The following IL23R variants were observed in gnomAD, a reference collection of about 807,000 sequenced individuals.
IL23R encodes the protein interleukin 23 receptor, also known as interleukin-23 receptor.
Under a neutral mutation model 56.9 loss-of-function variants are expected in IL23R, and 34 were observed. The ratio of observed to expected loss-of-function variants is 0.60; its 90% confidence interval spans 0.45 to 0.80. The LOEUF is 0.80. IL23R is among the 30% of genes least tolerant of loss of function. The pLI is 0.00. For missense variants in IL23R, 635 were observed against 730.0 expected, an observed-to-expected ratio of 0.87 and a Z score of 1.50; for synonymous variants, 230 against 249.2, an observed-to-expected ratio of 0.92 and a Z score of 0.73.
At position 67,240,188 on chromosome 1, in the gene IL23R, G is replaced by A; in HGVS notation, c.1055G>A (p.Gly352Glu). The A allele has an allele frequency of 6.2e-7, 1 of 1,602,676 alleles. No homozygotes were observed. Among genetic ancestry groups the A allele is most frequent in the Non-Finnish European group, 8.5e-7 (1 of 1,169,806 alleles). Residue 352 changes from glycine to glutamate, a missense_variant, in exon 9 of 11, where the codon GGA becomes GAA. Coordinates refer to ENST00000347310, the MANE Select transcript of IL23R (RefSeq NM_144701.3). ...STGHLTSDNR[G>E]DIGLLLGMIV... ...TCTTTCCTTTCATTAGACAACAGAG[G>A]AGACATTGGACTTTTATTGGGAATG...
intron 7 of IL23R, among the ~76,000 whole-genome samples, chr1:67,234,377 G>A (rs1651316911): frequency 6.6e-6 from 1 of 152,032 alleles, no homozygotes; most frequent in African/African-American, 2.4e-5. Flanking sequence ...TGTTTGATTT[G>A]GAACTATGAT....
At chr1:67,222,334 CT>C (rs1558251349) in intron 7 of IL23R, among the ~76,000 whole-genome samples, 2 of 151,928 alleles carry the variant, frequency 1.3e-5, no homozygotes, top group Non-Finnish European at 2.9e-5. Context: ...GCAGGCTGGT[CT>C]CGAACTCACG....
intron 7 of IL23R, among the ~76,000 whole-genome samples, chr1:67,227,966 C>CTT (rs1300261029): frequency 1.5e-5 from 1 of 68,470 alleles, no homozygotes; most frequent in African/African-American, 6.3e-5. Context: ...TTCTTTCTTT[C>CTT]TTTCTTTCTT....
At chr1:67,227,191 G>C (rs1054307823) in intron 7 of IL23R, among the ~76,000 whole-genome samples, 3 of 152,232 alleles carry the variant, frequency 2.0e-5, no homozygotes, top group African/African-American at 4.8e-5. Flanking sequence ...TAAGTCAGTA[G>C]TCTAAATTTG....
At chr1:67,241,472 T>C (rs72676092) in intron 9 of IL23R, among the ~76,000 whole-genome samples, 12,778 of 152,138 alleles carry the variant, frequency 0.084, 645 homozygotes, top group Non-Finnish European at 0.11. Flanking sequence ...AACAATGGCC[T>C]CCCATAATTT....
At chr1:67,242,332 T>A (rs1250628499) in intron 9 of IL23R, among the ~76,000 whole-genome samples, 4 of 152,216 alleles carry the variant, frequency 2.6e-5, no homozygotes, top group Non-Finnish European at 2.9e-5. Context: ...TATCCATGTA[T>A]AAGGCTGGCT....
chr1:67,169,338 C>A lies in IL23R; in HGVS notation c.71-4C>A. The A allele has an allele frequency of 6.3e-7, 1 of 1,596,790 alleles. No homozygotes were observed. Among genetic ancestry groups the A allele is most frequent in the Non-Finnish European group, 8.6e-7 (1 of 1,167,822 alleles). On this transcript the variant is annotated splice_polypyrimidine_tract_variant and splice_region_variant and intron_variant, in intron 2 of 10. Transcript: ENST00000347310. ...TAATTTATTATTTTTCCATTTATTT[C>A]TAGGAATTACAAATATAAACTGCTC... is the stretch of plus-strand genomic sequence containing the variant.
chr1:67,191,805 G>A (rs1450668573), intron 4 of IL23R, among the ~76,000 whole-genome samples: 1 of 152,070 alleles, frequency 6.6e-6, no homozygotes, highest in Non-Finnish European at 1.5e-5. Flanking sequence ...TTTACTATCC[G>A]AGCATTTAAT....
intron 1 of IL23R, among the ~76,000 whole-genome samples, chr1:67,159,419 A>G (rs74829191): frequency 0.019 from 2,918 of 152,180 alleles, 87 homozygotes; most frequent in African/African-American, 0.066. Context: ...GAGGCCTCCT[A>G]GTCATGCTTC....
intron 6 of IL23R, 124 bp downstream of exon 6, chr1:67,207,179 T>G (rs776444589): frequency 9.3e-7 from 1 of 1,073,218 alleles, no homozygotes; most frequent in Non-Finnish European, 1.4e-6. Flanking sequence ...TGCATGATAT[T>G]CAAGCCACTT....
At position 67,204,074 on chromosome 1, in the gene IL23R, C is replaced by A. The variant is rs569030935; in HGVS notation, c.653-2836C>A. Among the ~76,000 whole-genome samples, 13 of 150,722 alleles carry A rather than the reference C, an allele frequency of 8.6e-5. No individual in the cohort carries two copies. In the East Asian group the frequency reaches 2.5e-3, roughly 29 times the overall value. ...ATAATAAAATTGATACTTTTTTTTT[C>A]TTTTTTTGAGACGGAGTCTCGCTCT... On this transcript the variant is annotated intron_variant, in intron 5 of 10. Coordinates refer to ENST00000347310, the MANE Select transcript of IL23R (RefSeq NM_144701.3).
chr1:67,140,220 A>C (rs1369929745), intron 1 of IL23R, among the ~76,000 whole-genome samples: 3 of 152,256 alleles, frequency 2.0e-5, no homozygotes, highest in African/African-American at 7.2e-5. Context: ...CTATGCATGC[A>C]AAAGCAAAAT....
chr1:67,263,832 C>T (rs969236035), downstream of IL23R, among the ~76,000 whole-genome samples: 10 of 151,118 alleles, frequency 6.6e-5, no homozygotes, highest in Non-Finnish European at 1.0e-4. Flanking sequence ...CCACTGCACT[C>T]CAGCCTAGGC....
At position 67,209,525 on chromosome 1, in the gene IL23R, T is replaced by C. The variant is rs979845987; in HGVS notation, c.798+2470T>C. 7.9e-5 allele frequency among the ~76,000 whole-genome samples: 12 copies of C among 152,160 alleles called. 1 individual carries two copies. The highest frequency in any genetic ancestry group is 6.5e-4 in the Admixed American group (10 of 15,274). ...GATGCATTTATCAGGGGTTTCCGCT[T>C]TTGCTTTTTCCTCATTTTCTCTTGC... On this transcript the variant is annotated intron_variant, in intron 6 of 10. Coordinates refer to ENST00000347310, the MANE Select transcript of IL23R (RefSeq NM_144701.3).
chr1:67,156,622 C>T (rs149072906), intron 1 of IL23R, among the ~76,000 whole-genome samples: 2 of 152,276 alleles, frequency 1.3e-5, no homozygotes, highest in Non-Finnish European at 2.9e-5. Flanking sequence ...AGGGGAAAAC[C>T]GCTTTCTAAA....
rs113943721 is a variant in IL23R, at chr1:67,258,927, A to G, written c.1689A>G (p.Ile563Met). ...AAGGAGAATGCAGTTCTCCTGACATACAAAACTCAGTAGAGGAGGAAACCA... is the reference window on the plus strand; with the variant it reads ...AAGGAGAATGCAGTTCTCCTGACATGCAAAACTCAGTAGAGGAGGAAACCA... ...LNQGECSSPDIQNSVEEETTM... is the reference protein window; with the variant it reads ...LNQGECSSPDMQNSVEEETTM... Residue 563 changes from isoleucine to methionine, a missense_variant, in exon 11 of 11, where the codon ATA becomes ATG. Coordinates refer to ENST00000347310, the MANE Select transcript of IL23R (RefSeq NM_144701.3). 2.4e-5 allele frequency: 38 copies of G among 1,613,976 alleles called. No individual in the cohort carries two copies. The Middle Eastern group carries it at 8.2e-4, about 35-fold the overall frequency.
In IL23R at chr1:67,219,736, T is replaced by G. The variant is rs1342627927; in HGVS notation, c.955+6T>G. 6.2e-7 allele frequency: 1 copy of G among 1,611,564 alleles called. No individual in the cohort carries two copies. Among genetic ancestry groups the G allele is most frequent in the Non-Finnish European group, 8.5e-7 (1 of 1,177,956 alleles). On this transcript the variant is annotated splice_donor_region_variant and intron_variant, in intron 7 of 10. Coordinates refer to ENST00000347310, the MANE Select transcript of IL23R (RefSeq NM_144701.3). ...TCATAAAACACCTGAAACAGGTGAG[T>G]GTACTTATATATTTTATTCTGTTGG...
intron 3 of IL23R, among the ~76,000 whole-genome samples, chr1:67,170,452 T>A (rs1646929192): frequency 6.6e-6 from 1 of 152,182 alleles, no homozygotes; most frequent in Non-Finnish European, 1.5e-5. Flanking sequence ...GAATAATTAT[T>A]AATTTATTTA....
intron 3 of IL23R, among the ~76,000 whole-genome samples, chr1:67,181,770 A>C (rs921543310): frequency 6.6e-6 from 1 of 151,942 alleles, no homozygotes; most frequent in African/African-American, 2.4e-5. Flanking sequence ...GGTTTTATCT[A>C]TCTTTGGTCT....
Sources: gnomAD v4.1 joint callset for allele counts (sites outside exome capture counted in the v4.1 genomes callset) on GRCh38, gnomAD v4.1.1 for gene constraint, MANE v1.5 for transcripts, NCBI Gene and HGNC (gene_info 2026-07-23, HGNC 2026-07-21) for gene names.